SETD5: variants seen among roughly 807,000 people sequenced by gnomAD.
SETD5 encodes the protein histone-lysine N-methyltransferase SETD5.
In SETD5, 44 loss-of-function variants were observed where a neutral mutation model predicts 153.3. The ratio of observed to expected loss-of-function variants is 0.29; its 90% CI spans 0.23 to 0.37. The LOEUF is 0.37. Among genes scored for constraint, SETD5 ranks in the 10% least tolerant of loss-of-function variants. The probability of loss-of-function intolerance (pLI) is 1.00; values close to 1 mark genes in which losing one functional copy is unlikely to be tolerated. For missense variants in SETD5, 1,544 were observed against 1,768.0 expected (o/e 0.87, Z 2.27); for synonymous variants, 716 against 645.2 (o/e 1.11, Z -1.66).
intron 1 of SETD5, among the ~76,000 whole-genome samples, chr3:9,409,197 C>T (rs1330634541): frequency 6.6e-6 from 1 of 152,136 alleles, no homozygotes; most frequent in Non-Finnish European, 1.5e-5. Context: ...GGCCTATATT[C>T]ATGATTTACT....
intron 1 of SETD5, among the ~76,000 whole-genome samples, chr3:9,412,819 T>C (rs188908357): frequency 2.7e-4 from 41 of 151,844 alleles, no homozygotes; most frequent in Admixed American, 9.9e-4. Flanking sequence ...GAGGAGATAA[T>C]AGATGAAACA....
intron 1 of SETD5, among the ~76,000 whole-genome samples, chr3:9,409,120 C>T (rs1410459653): frequency 1.3e-5 from 2 of 152,096 alleles, no homozygotes; most frequent in African/African-American, 4.8e-5. Context: ...TGGAAGACCT[C>T]ATATAACCCT....
chr3:9,434,161 G>A lies in SETD5; in HGVS notation c.178-173G>A. Reference sequence around the variant, plus strand: ...GGCATTTTGTTTTATCACTTTCCTGGTTGAAGCCAAAAAACAAAGGGTACT... The same window carrying A: ...GGCATTTTGTTTTATCACTTTCCTGATTGAAGCCAAAAAACAAAGGGTACT... On this transcript the variant is annotated intron_variant, in intron 4 of 22. Coordinates refer to ENST00000402198, the MANE Select transcript of SETD5 (RefSeq NM_001080517.3). The surrounding 1 kb of genome is among the most constrained non-coding windows in gnomAD (Gnocchi z 5.6). 1.3e-6 allele frequency: 2 copies of A among 1,548,698 alleles called. No homozygotes were observed. Among genetic ancestry groups the A allele is most frequent in the Non-Finnish European group, 8.7e-7 (1 of 1,147,016 alleles).
intron 3 of SETD5, 156 bp from the exon 4 acceptor site, chr3:9,433,689 T>C (rs1451160857): frequency 3.4e-6 from 3 of 877,906 alleles, no homozygotes; most frequent in Non-Finnish European, 3.4e-6. Flanking sequence ...ATTTATAGGC[T>C]TAGTTATGTT....
chr3:9,464,357 TG>T, intron 17 of SETD5, 67 bp from the exon 18 acceptor site: 1 of 1,549,040 alleles, frequency 6.5e-7, no homozygotes, highest in East Asian at 2.3e-5. Context: ...TACAGATTAA[TG>T]GCTTTACTGT....
chr3:9,406,645 G>C (rs1261380747), intron 1 of SETD5, among the ~76,000 whole-genome samples: 1 of 150,692 alleles, frequency 6.6e-6, no homozygotes, highest in Non-Finnish European at 1.5e-5. Context: ...GAAAATGTAA[G>C]AGCAAGTCTA....
At chr3:9,440,073 T>C (rs1639768658) in intron 7 of SETD5, among the ~76,000 whole-genome samples, 1 of 152,220 alleles carries the variant, frequency 6.6e-6, no homozygotes, top group Non-Finnish European at 1.5e-5. Flanking sequence ...AGTGATAAAT[T>C]TGAGGTCTCT....
intron 7 of SETD5, among the ~76,000 whole-genome samples, chr3:9,436,205 A>G (rs1388300658): frequency 1.3e-5 from 2 of 152,142 alleles, no homozygotes; most frequent in African/African-American, 2.4e-5. Context: ...CTAGGCTTCC[A>G]CTATCCTTAC....
chr3:9,458,020 T>G (rs2043471903), intron 17 of SETD5, among the ~76,000 whole-genome samples: 1 of 152,106 alleles, frequency 6.6e-6, no homozygotes, highest in Non-Finnish European at 1.5e-5. Context: ...TAGTATAATA[T>G]TGATGCAAGA....
chr3:9,450,753 G>A (rs558422701), intron 16 of SETD5, among the ~76,000 whole-genome samples: 1 of 152,264 alleles, frequency 6.6e-6, no homozygotes, highest in East Asian at 1.9e-4. Flanking sequence ...ATTTCTAATA[G>A]GCTCACTGTT....
intron 1 of SETD5, among the ~76,000 whole-genome samples, chr3:9,401,547 C>G (rs1193773843): frequency 8.5e-5 from 13 of 152,196 alleles, no homozygotes. Flanking sequence ...GGGAGAATGA[C>G]TATTTCATTT....
chr3:9,418,673 G>A (rs2037913848), intron 1 of SETD5, among the ~76,000 whole-genome samples: 1 of 151,590 alleles, frequency 6.6e-6, no homozygotes, highest in African/African-American at 2.4e-5. Flanking sequence ...TGTGGTGGTG[G>A]GCACCTATAA....
chr3:9,436,868 C>T, intron 7 of SETD5: 2 of 1,550,146 alleles, frequency 1.3e-6, no homozygotes, highest in Non-Finnish European at 1.7e-6. Flanking sequence ...AGAGGGATCC[C>T]GGAAGTCCTT....
chr3:9,468,829 GGGTT>G (rs1300582465), intron 18 of SETD5, among the ~76,000 whole-genome samples: 2 of 151,900 alleles, frequency 1.3e-5, no homozygotes, highest in Non-Finnish European at 2.9e-5. Flanking sequence ...GTGTTTGGTG[GGGTT>G]GGTTTTTGCC....
chr3:9,432,412 C>A, intron 3 of SETD5: 1 of 364,500 alleles, frequency 2.7e-6, no homozygotes, highest in Non-Finnish European at 3.8e-6. Flanking sequence ...CTTATTCCTG[C>A]TGTACTATAT....
Position 9,455,123 on chromosome 3 carries a change from T to TA in SETD5, c.2476+1256dup, listed in dbSNP as rs2043070227. 2.0e-5 allele frequency among the ~76,000 whole-genome samples: 3 copies of TA among 151,690 alleles called. No individual in the cohort carries two copies. The South Asian group carries it at 6.2e-4, about 31-fold the overall frequency. On this transcript the variant is annotated intron_variant, in intron 17 of 22. Transcript: ENST00000402198. ...ACTTCATTTGGATTTTACTTCTTTT[T>TA]AGATTTTATTTCAGAAAACGTGAAT...
intron 1 of SETD5, among the ~76,000 whole-genome samples, chr3:9,406,607 C>CAA (rs746999028): frequency 0.026 from 2,617 of 99,214 alleles, 85 homozygotes; most frequent in South Asian, 0.053. Context: ...GACTCTGTCT[C>CAA]AAAAAAAAAA....
At chr3:9,406,152 CAGAT>C (rs1395028099) in intron 1 of SETD5, among the ~76,000 whole-genome samples, 1 of 152,124 alleles carries the variant, frequency 6.6e-6, no homozygotes, top group Non-Finnish European at 1.5e-5. Context: ...GACCCCCAAT[CAGAT>C]AGAGTTATTT....
At chr3:9,444,562 A>T (rs2041703997) in intron 11 of SETD5, among the ~76,000 whole-genome samples, 1 of 151,510 alleles carries the variant, frequency 6.6e-6, no homozygotes, top group Non-Finnish European at 1.5e-5. Context: ...CTGACCATGG[A>T]GTAGAATTGG....
Sources: gnomAD v4.1 joint callset for allele counts (sites outside exome capture counted in the v4.1 genomes callset) on GRCh38, gnomAD v4.1.1 for gene constraint, Gnocchi (gnomAD v3.1) non-coding constraint, MANE v1.5 for transcripts, NCBI Gene and HGNC (gene_info 2026-07-23, HGNC 2026-07-21) for gene names.